Variants in UGT2A2 observed in about 807,000 individuals in gnomAD.
The protein encoded by UGT2A2 is UDP glucuronosyltransferase family 2 member A2.
A neutral mutation model predicts 50.7 loss-of-function variants in UGT2A2; 60 were observed. The observed-to-expected ratio is 1.18, with a 90% confidence interval of 0.96 to 1.47. UGT2A2 has a LOEUF of 1.47. Among genes scored for constraint, UGT2A2 ranks in the 40% most tolerant of loss-of-function variants. The probability of loss-of-function intolerance (pLI) is 0.00; values close to 1 mark genes in which losing one functional copy is unlikely to be tolerated. For missense variants in UGT2A2, 762 were observed against 634.0 expected, an observed-to-expected ratio of 1.20 and a Z score of -2.17; for synonymous variants, 242 against 214.6, an observed-to-expected ratio of 1.13 and a Z score of -1.11.
intron 1 of UGT2A2, among the ~76,000 whole-genome samples, chr4:69,614,162 G>A (rs531502062): frequency 4.0e-5 from 6 of 151,714 alleles, no homozygotes; most frequent in African/African-American, 9.7e-5. Flanking sequence ...AAATATCAGT[G>A]GCATTTCTAT....
At chr4:69,612,249 A>G (rs1720107596) in intron 1 of UGT2A2, among the ~76,000 whole-genome samples, 1 of 152,064 alleles carries the variant, frequency 6.6e-6, no homozygotes, top group Admixed American at 6.6e-5. Context: ...AGAATATAAA[A>G]TTATTCCATA....
intron 1 of UGT2A2, among the ~76,000 whole-genome samples, chr4:69,620,944 G>A (rs189402804): frequency 7.2e-4 from 109 of 152,100 alleles, no homozygotes; most frequent in African/African-American, 2.5e-3. Flanking sequence ...TAAATGGCTA[G>A]CCATATACAG....
intron 5 of UGT2A2, among the ~76,000 whole-genome samples, chr4:69,593,918 T>C (rs1389957022): frequency 6.6e-6 from 1 of 151,480 alleles, no homozygotes; most frequent in East Asian, 1.9e-4. Context: ...AGAATTTATA[T>C]AATCATAGCA....
intron 1 of UGT2A2, among the ~76,000 whole-genome samples, chr4:69,612,813 C>A (rs570766918): frequency 2.0e-5 from 3 of 151,426 alleles, no homozygotes; most frequent in Non-Finnish European, 3.0e-5. Flanking sequence ...TTGACATCAG[C>A]CATGGCAAAG....
chr4:69,607,040 A>C (rs1719670561), intron 1 of UGT2A2, among the ~76,000 whole-genome samples: 1 of 130,662 alleles, frequency 7.7e-6, no homozygotes, highest in Non-Finnish European at 1.6e-5. Flanking sequence ...ACTACCAATG[A>C]CTTTCTTCAC....
intron 1 of UGT2A2, among the ~76,000 whole-genome samples, chr4:69,614,811 T>C (rs1322203038): frequency 6.6e-6 from 1 of 151,986 alleles, no homozygotes; most frequent in African/African-American, 2.4e-5. Context: ...CACATTACTA[T>C]AAAGAACTAT....
chr4:69,636,874 ACT>A (rs1225587618), intron 1 of UGT2A2, among the ~76,000 whole-genome samples: 19 of 152,206 alleles, frequency 1.2e-4, no homozygotes, highest in African/African-American at 4.6e-4. Context: ...AAGCACTGTG[ACT>A]CTAAAGTTTC....
chr4:69,631,735 C>A (rs1479535463), intron 1 of UGT2A2, among the ~76,000 whole-genome samples: 1 of 152,130 alleles, frequency 6.6e-6, no homozygotes, highest in Non-Finnish European at 1.5e-5. Context: ...GTAGCCACTA[C>A]ATCAGGGTAT....
chr4:69,634,211 C>T (rs1185296411), intron 1 of UGT2A2, among the ~76,000 whole-genome samples: 2 of 152,192 alleles, frequency 1.3e-5, no homozygotes, highest in African/African-American at 4.8e-5. Flanking sequence ...CGCCACTGCA[C>T]TCCAGCCTGA....
At chr4:69,616,345 T>C (rs1720382797) in intron 1 of UGT2A2, among the ~76,000 whole-genome samples, 1 of 151,946 alleles carries the variant, frequency 6.6e-6, no homozygotes, top group African/African-American at 2.4e-5. Context: ...TAGTTAATAA[T>C]AATTTGTGTG....
intron 5 of UGT2A2, among the ~76,000 whole-genome samples, chr4:69,592,510 G>A (rs1171744666): frequency 6.6e-6 from 1 of 152,110 alleles, no homozygotes; most frequent in East Asian, 1.9e-4. Context: ...CAAAGCAAGA[G>A]GAAGTGATAA....
At chr4:69,596,427 GA>G in intron 2 of UGT2A2, 46 bp from the exon 3 acceptor site, 4 of 1,426,698 alleles carry the variant, frequency 2.8e-6, no homozygotes, top group Non-Finnish European at 3.7e-6. Context: ...AGCATCATAA[GA>G]AAAAATAAGT....
chr4:69,599,561 G>A (rs1432132646), intron 1 of UGT2A2, 167 bp from the exon 2 acceptor site: 1 of 1,022,298 alleles, frequency 9.8e-7, no homozygotes, highest in African/African-American at 1.7e-5. Context: ...AATTAAAGAG[G>A]ATGGAAGAAA....
At chr4:69,593,560 TTATATA>T (rs1491519972) in intron 5 of UGT2A2, among the ~76,000 whole-genome samples, 1 of 128,182 alleles carries the variant, frequency 7.8e-6, no homozygotes, top group African/African-American at 2.5e-5. Flanking sequence ...ATATATAGAC[TTATATA>T]TATAATATAC....
At chr4:69,610,630 G>C (rs1345852801) in intron 1 of UGT2A2, among the ~76,000 whole-genome samples, 1 of 152,098 alleles carries the variant, frequency 6.6e-6, no homozygotes, top group Non-Finnish European at 1.5e-5. Flanking sequence ...AGATAATTAA[G>C]CTTAAAGAGT....
intron 1 of UGT2A2, among the ~76,000 whole-genome samples, chr4:69,634,779 G>A (rs571958342): frequency 6.6e-6 from 1 of 152,080 alleles, no homozygotes; most frequent in Non-Finnish European, 1.5e-5. Context: ...TCTAATAAGA[G>A]ATATCTAAAA....
rs114269062 is a variant in UGT2A2, at chr4:69,589,040, T to C, written c.*332A>G. 6.2e-3 allele frequency: 1,177 copies of C among 190,268 alleles called. 7 individuals carry two copies. Among genetic ancestry groups the C allele is most frequent in the Non-Finnish European group, 9.8e-3 (885 of 90,760 alleles). The allele number at this position is 190,268 out of a possible 1,614,324, so 11.8% of individuals were successfully genotyped here. A position where few individuals can be genotyped will look rare whatever the true frequency, so the allele number is the denominator to read the frequency against. The stretch of plus-strand genomic sequence containing the variant: ...CCAGGATTCAGCATATTGTTAATCA[T>C]TAATTAAGGTTAACGATAAAATAAT... On this transcript the variant is annotated 3_prime_UTR_variant, in exon 6 of 6. Coordinates refer to ENST00000604629, the MANE Select transcript of UGT2A2 (RefSeq NM_001105677.2).
intron 1 of UGT2A2, among the ~76,000 whole-genome samples, chr4:69,625,487 T>C (rs1721004260): frequency 6.6e-6 from 1 of 151,346 alleles, no homozygotes; most frequent in Non-Finnish European, 1.5e-5. Flanking sequence ...TTTTGTATAG[T>C]TTCTATTACT....
chr4:69,596,508 A>T (rs778611606), intron 2 of UGT2A2, 127 bp from the exon 3 acceptor site: 42 of 1,272,986 alleles, frequency 3.3e-5, no homozygotes, highest in Non-Finnish European at 3.9e-5. Flanking sequence ...CTGTCTTCTG[A>T]CATGTAGAAA....
Sources: allele counts gnomAD v4.1 joint callset (sites outside exome capture counted in the v4.1 genomes callset), GRCh38; gene constraint gnomAD v4.1.1; transcripts MANE v1.5; gene names NCBI Gene and HGNC (gene_info 2026-07-23, HGNC 2026-07-21).